ARHGAP24: variants seen among roughly 807,000 people sequenced by gnomAD.
ARHGAP24 encodes rho GTPase-activating protein 24.
In ARHGAP24, 50 loss-of-function variants were observed where a neutral mutation model predicts 76.4. The observed-to-expected ratio is 0.65, with a 90% CI of 0.52 to 0.83. ARHGAP24 has a LOEUF of 0.83. ARHGAP24 is among the 40% of genes least tolerant of loss of function. The pLI, the probability that ARHGAP24 is intolerant of heterozygous loss-of-function variation, is 0.00. For missense variants in ARHGAP24, 930 were observed against 914.2 expected (o/e 1.02, Z -0.22); for synonymous variants, 345 against 323.3 (o/e 1.07, Z -0.72).
chr4:85,876,024 T>G (rs1732914956), intron 3 of ARHGAP24, among the ~76,000 whole-genome samples: 2 of 152,112 alleles, frequency 1.3e-5, no homozygotes, highest in Non-Finnish European at 2.9e-5. Context: ...ATTACAGGCT[T>G]GAGCCACTGC....
intron 2 of ARHGAP24, among the ~76,000 whole-genome samples, chr4:85,694,525 A>G (rs1174992884): frequency 1.3e-5 from 2 of 152,224 alleles, no homozygotes; most frequent in African/African-American, 4.8e-5. Context: ...ATTAACAAGT[A>G]TTAATAGTAC....
At chr4:85,931,704 C>T (rs1736343389) in intron 4 of ARHGAP24, among the ~76,000 whole-genome samples, 2 of 152,052 alleles carry the variant, frequency 1.3e-5, no homozygotes, top group South Asian at 2.1e-4. Flanking sequence ...TCTGAATTGA[C>T]TTATTTGGGG....
At position 85,811,886 on chromosome 4, in the gene ARHGAP24, G is replaced by A. The variant is rs148431096; in HGVS notation, c.268+89914G>A. On this transcript the variant is annotated intron_variant, in intron 3 of 9. Coordinates refer to ENST00000395184, the MANE Select transcript of ARHGAP24 (RefSeq NM_001025616.3). ...AGTTTTTTCTACCTTTATAATAAAT[G>A]TGTTTTTGGCTGGGCGTGGTAGCTC... Among the ~76,000 whole-genome samples the A allele has an allele frequency of 2.6e-5, 4 of 152,246 alleles. No individual in the cohort carries two copies. In the East Asian group the frequency reaches 7.7e-4, roughly 29 times the overall value.
At chr4:85,864,978 T>A (rs1732112561) in intron 3 of ARHGAP24, among the ~76,000 whole-genome samples, 1 of 152,100 alleles carries the variant, frequency 6.6e-6, no homozygotes, top group Non-Finnish European at 1.5e-5. Context: ...GTTCCATATG[T>A]CTCATTCATC....
rs1011692176 is a variant in ARHGAP24 at position 85,963,391 on chromosome 4, CTG to C, written c.600-8641_600-8640del. Among the ~76,000 whole-genome samples the C allele has an allele frequency of 2.8e-4, 42 of 152,134 alleles. 1 individual carries two copies. The highest frequency in any genetic ancestry group is 9.9e-4 in the African/African-American group (41 of 41,548). ...GGGACATACTGAGTCATTTTAATAA[CTG>C]TGTTGATTTATTTTGTAACTGACAG... On this transcript the variant is annotated intron_variant, in intron 5 of 9. Transcript: ENST00000395184.
At chr4:85,736,848 C>G (rs1725624923) in intron 3 of ARHGAP24, among the ~76,000 whole-genome samples, 1 of 152,124 alleles carries the variant, frequency 6.6e-6, no homozygotes. Flanking sequence ...ACTAGTGTCA[C>G]CCAAATGAGG....
intron 3 of ARHGAP24, among the ~76,000 whole-genome samples, chr4:85,898,049 AT>A (rs2148787677): frequency 1.4e-5 from 2 of 148,118 alleles, no homozygotes; most frequent in African/African-American, 2.5e-5. Context: ...ATATATATAT[AT>A]ATATATATAA....
At chr4:85,820,962 A>G (rs1729442997) in intron 3 of ARHGAP24, among the ~76,000 whole-genome samples, 2 of 152,142 alleles carry the variant, frequency 1.3e-5, no homozygotes, top group Non-Finnish European at 2.9e-5. Context: ...GAAAATAACA[A>G]ATATATAAAT....
Position 86,000,564 on chromosome 4 carries a change from A to T in ARHGAP24, c.2089A>T (p.Ile697Leu). 6.2e-7 allele frequency: 1 copy of T among 1,612,148 alleles called. No homozygotes were observed. Among genetic ancestry groups the T allele is most frequent in the Non-Finnish European group, 8.5e-7 (1 of 1,179,122 alleles). Residue 697 changes from isoleucine (I) to leucine (L), a missense_variant, in exon 10 of 10, where the codon ATA (isoleucine) becomes TTA (leucine). Ile to Leu is a conservative substitution (Grantham distance 5). Coordinates refer to ENST00000395184, the MANE Select transcript of ARHGAP24 (RefSeq NM_001025616.3). Reference sequence around the variant, plus strand: ...TCAGGAGAGGAAAAAGTTCACAATGATAGAAATAAAAATGCGAAATGCCGA... The same window carrying T: ...TCAGGAGAGGAAAAAGTTCACAATGTTAGAAATAAAAATGCGAAATGCCGA... Reference protein sequence around the residue: ...LDQERKKFTMIEIKMRNAERA... With the variant: ...LDQERKKFTMLEIKMRNAERA...
intron 3 of ARHGAP24, among the ~76,000 whole-genome samples, chr4:85,736,043 G>GCTAT (rs1207140370): frequency 6.6e-6 from 1 of 152,020 alleles, no homozygotes; most frequent in East Asian, 1.9e-4. Flanking sequence ...ACTAACCATA[G>GCTAT]GCCCTTTATA....
chr4:85,615,422 C>T (rs1242786825), intron 2 of ARHGAP24, among the ~76,000 whole-genome samples: 1 of 152,030 alleles, frequency 6.6e-6, no homozygotes, highest in Admixed American at 6.6e-5. Flanking sequence ...TGATATTCAG[C>T]TATAATGAAT....
chr4:85,539,590 T>C (rs1048744940), intron 1 of ARHGAP24, among the ~76,000 whole-genome samples: 4 of 152,166 alleles, frequency 2.6e-5, no homozygotes, highest in African/African-American at 7.2e-5. Context: ...TTTTTAGGCT[T>C]TTCTAGGCTA....
At chr4:85,772,485 C>T (rs188522846) in intron 3 of ARHGAP24, among the ~76,000 whole-genome samples, 44 of 152,286 alleles carry the variant, frequency 2.9e-4, no homozygotes, top group African/African-American at 9.4e-4. Context: ...TTACCTCTTG[C>T]CTTCCTAGAT....
chr4:85,501,682 T>C (rs1209354453), intron 1 of ARHGAP24, among the ~76,000 whole-genome samples: 5 of 152,234 alleles, frequency 3.3e-5, no homozygotes, highest in African/African-American at 4.8e-5. Flanking sequence ...GCCTGTTCAC[T>C]CTGATGGTAG....
intron 3 of ARHGAP24, among the ~76,000 whole-genome samples, chr4:85,806,490 A>G (rs1461952757): frequency 1.3e-5 from 2 of 152,210 alleles, no homozygotes; most frequent in African/African-American, 4.8e-5. Flanking sequence ...AGGGCATTTG[A>G]GAGAAGGCTT....
At chr4:85,910,653 C>T (rs1735025612) in intron 3 of ARHGAP24, among the ~76,000 whole-genome samples, 1 of 152,104 alleles carries the variant, frequency 6.6e-6, no homozygotes, top group African/African-American at 2.4e-5. Context: ...CGCCCTACAA[C>T]TCCTGCTATT....
intron 8 of ARHGAP24, among the ~76,000 whole-genome samples, chr4:85,993,300 C>A (rs1292843266): frequency 6.6e-6 from 1 of 152,148 alleles, no homozygotes; most frequent in Non-Finnish European, 1.5e-5. Context: ...TCTCATGTCC[C>A]ACCCAATGCC....
intron 2 of ARHGAP24, among the ~76,000 whole-genome samples, chr4:85,648,146 A>G (rs1384289448): frequency 6.6e-6 from 1 of 152,118 alleles, no homozygotes; most frequent in Non-Finnish European, 1.5e-5. Context: ...TGCAGAACCA[A>G]AACCTTGACT....
At position 85,995,204 on chromosome 4, in the gene ARHGAP24, A is replaced by G; in HGVS notation, c.1550A>G (p.Lys517Arg). 6.2e-7 allele frequency: 1 copy of G among 1,614,010 alleles called. No individual in the cohort carries two copies. The highest frequency in any genetic ancestry group is 1.1e-5 in the South Asian group (1 of 91,066). ...GYVTLRDNKQ[K>R]EQAGELGQHN... ...GTGACCCTGAGGGATAACAAGCAGA[A>G]AGAACAAGCTGGAGAGTTAGGCCAG... is the stretch of plus-strand genomic sequence containing the variant. The change falls in exon 9 of 10, where the codon AAA becomes AGA. Residue 517 changes from lysine to arginine, a missense_variant. Coordinates refer to ENST00000395184, the MANE Select transcript of ARHGAP24 (RefSeq NM_001025616.3).
Sources: allele counts gnomAD v4.1 joint callset (sites outside exome capture counted in the v4.1 genomes callset), GRCh38; gene constraint gnomAD v4.1.1; transcripts MANE v1.5; gene names NCBI Gene and HGNC (gene_info 2026-07-23, HGNC 2026-07-21).